ACOXL: variants seen among roughly 807,000 people sequenced by gnomAD.
ACOXL encodes the protein acyl-coenzyme A oxidase-like protein.
ACOXL carries 70 observed loss-of-function variants against 71.9 expected under a neutral mutation model. The observed-to-expected ratio is 0.97, with a 90% CI of 0.80 to 1.19. The LOEUF (loss-of-function observed/expected upper bound fraction) is 1.19. Among genes scored for constraint, ACOXL ranks in the 50% most tolerant of loss-of-function variants. The pLI is 0.00. For missense variants in ACOXL, 703 were observed against 736.3 expected, an observed-to-expected ratio of 0.95 and a Z score of 0.52; for synonymous variants, 253 against 281.6, an observed-to-expected ratio of 0.90 and a Z score of 1.02.
chr2:111,013,072 A>G (rs752165065), intron 14 of ACOXL, among the ~76,000 whole-genome samples: 35 of 152,186 alleles, frequency 2.3e-4, no homozygotes, highest in Admixed American at 1.4e-3. Context: ...ATAAAGTACA[A>G]ATTAACAACG....
intron 11 of ACOXL, among the ~76,000 whole-genome samples, chr2:110,923,155 A>C (rs1012271843): frequency 6.6e-6 from 1 of 152,128 alleles, no homozygotes; most frequent in Admixed American, 6.5e-5. Flanking sequence ...CCCAGGAAAA[A>C]GTTGGCACAT....
chr2:110,858,866 T>G (rs1693593934), intron 10 of ACOXL, among the ~76,000 whole-genome samples: 1 of 152,244 alleles, frequency 6.6e-6, no homozygotes. Context: ...CCTCTTCCTC[T>G]GTGTGTCTCA....
chr2:110,913,729 A>G lies in ACOXL; in HGVS notation c.905+4824A>G, dbSNP rs540481661. On this transcript the variant is annotated intron_variant, in intron 11 of 17. Coordinates refer to ENST00000439055, the MANE Select transcript of ACOXL (RefSeq NM_001142807.4). Reference sequence around the variant, plus strand: ...CTATACAAGCATGGCACAGGCATCTACTCTGCTTCTGGGTAGGTCTCCGGG... The same window carrying G: ...CTATACAAGCATGGCACAGGCATCTGCTCTGCTTCTGGGTAGGTCTCCGGG... 3.9e-5 allele frequency among the ~76,000 whole-genome samples: 6 copies of G among 152,254 alleles called. No homozygotes were observed. The South Asian group carries it at 8.3e-4, about 21-fold the overall frequency.
intron 14 of ACOXL, among the ~76,000 whole-genome samples, chr2:110,997,252 C>A (rs1303181207): frequency 6.6e-6 from 1 of 151,936 alleles, no homozygotes; most frequent in Non-Finnish European, 1.5e-5. Flanking sequence ...CTATGGATAA[C>A]AAATATTCCT....
rs541620900 is a variant in ACOXL at position 110,921,093 on chromosome 2, G to C, written c.905+12188G>C. On this transcript the variant is annotated intron_variant, in intron 11 of 17. Transcript: ENST00000439055. ...CTAATTTGTCAAATTTATGGCGATA[G>C]TGTTGGTTGTAACATTCCCTTTTCT... Among the ~76,000 whole-genome samples, 6 of 152,154 alleles carry C rather than the reference G, an allele frequency of 3.9e-5. No homozygotes were observed. The South Asian group carries it at 1.2e-3, about 32-fold the overall frequency.
Position 111,011,242 on chromosome 2 carries a change from G to A in ACOXL, c.1281+15238G>A, listed in dbSNP as rs547524483. Among the ~76,000 whole-genome samples the A allele has an allele frequency of 9.9e-5, 15 of 152,216 alleles. No individual in the cohort carries two copies. The South Asian group carries it at 3.1e-3, about 32-fold the overall frequency. On this transcript the variant is annotated intron_variant, in intron 14 of 17. Transcript: ENST00000439055. ...GTATCATATTAATTCAAAGCAGACT[G>A]TTATAGGTAAAGACTATAGATTGTA...
chr2:110,769,886 C>A lies in ACOXL; in HGVS notation c.75+1422C>A, dbSNP rs1315016348. 1.3e-5 allele frequency among the ~76,000 whole-genome samples: 2 copies of A among 151,906 alleles called. 1 individual carries two copies. The highest frequency in any genetic ancestry group is 1.3e-4 in the Admixed American group (2 of 15,278). On this transcript the variant is annotated intron_variant, in intron 2 of 17. Coordinates refer to ENST00000439055, the MANE Select transcript of ACOXL (RefSeq NM_001142807.4). ...ACCCCAAAAACCCCAAAACACTAAA[C>A]AAATACTAGCCAGGCATGGTGGCCC...
At chr2:110,751,701 A>G (rs529406518) in intron 1 of ACOXL, among the ~76,000 whole-genome samples, 9 of 152,314 alleles carry the variant, frequency 5.9e-5, no homozygotes, top group African/African-American at 1.4e-4. Flanking sequence ...CATCGCCCCA[A>G]AAAGTTCTCT....
intron 12 of ACOXL, among the ~76,000 whole-genome samples, chr2:110,986,472 T>A (rs1164776489): frequency 2.6e-5 from 4 of 152,240 alleles, no homozygotes; most frequent in Admixed American, 6.5e-5. Context: ...TCACTCGTGC[T>A]GTGGCAGCAG....
intron 5 of ACOXL, among the ~76,000 whole-genome samples, chr2:110,797,279 T>G (rs1374952190): frequency 6.6e-6 from 1 of 152,230 alleles, no homozygotes; most frequent in Non-Finnish European, 1.5e-5. Context: ...AGTTTCAGAC[T>G]GTTTTGAGCT....
chr2:111,015,223 G>A (rs1284411134), intron 14 of ACOXL, among the ~76,000 whole-genome samples: 1 of 152,112 alleles, frequency 6.6e-6, no homozygotes, highest in Non-Finnish European at 1.5e-5. Flanking sequence ...CCTGTATCTG[G>A]CAAAACACTT....
intron 16 of ACOXL, among the ~76,000 whole-genome samples, chr2:111,062,375 C>T (rs965064048): frequency 2.6e-5 from 4 of 152,020 alleles, no homozygotes; most frequent in African/African-American, 9.7e-5. Context: ...ATTACAGTTA[C>T]AGACTTCAAC....
chr2:110,894,860 G>A (rs571048138), intron 10 of ACOXL, among the ~76,000 whole-genome samples: 1 of 152,240 alleles, frequency 6.6e-6, no homozygotes, highest in Admixed American at 6.5e-5. Context: ...CCATCACTTG[G>A]GTAATAGAGA....
chr2:110,845,713 A>G (rs890787328), intron 10 of ACOXL, among the ~76,000 whole-genome samples: 4 of 152,214 alleles, frequency 2.6e-5, no homozygotes, highest in African/African-American at 9.7e-5. Context: ...TACCTTATTT[A>G]ACTTAGCATA....
intron 14 of ACOXL, among the ~76,000 whole-genome samples, chr2:111,006,289 A>G (rs1228729708): frequency 1.3e-5 from 2 of 152,200 alleles, no homozygotes; most frequent in African/African-American, 4.8e-5. Flanking sequence ...CAGGGGAAAC[A>G]TATTCCCATT....
chr2:111,041,517 C>T (rs575223622), intron 15 of ACOXL, among the ~76,000 whole-genome samples: 5 of 152,196 alleles, frequency 3.3e-5, no homozygotes, highest in East Asian at 3.9e-4. Context: ...GGGACAGAGC[C>T]GGGCCATGGG....
intron 11 of ACOXL, among the ~76,000 whole-genome samples, chr2:110,927,870 G>C (rs1436816866): frequency 6.6e-6 from 1 of 152,162 alleles, no homozygotes; most frequent in East Asian, 1.9e-4. Context: ...GTACATTTCT[G>C]AAGGGTCCAT....
At chr2:110,776,830 A>G (rs1682709316) in intron 2 of ACOXL, among the ~76,000 whole-genome samples, 1 of 152,088 alleles carries the variant, frequency 6.6e-6, no homozygotes, top group Non-Finnish European at 1.5e-5. Flanking sequence ...CTGCTGGCTT[A>G]GAAATATACT....
intron 1 of ACOXL, among the ~76,000 whole-genome samples, chr2:110,763,859 C>G (rs902338956): frequency 4.6e-5 from 7 of 152,240 alleles, no homozygotes; most frequent in Admixed American, 4.6e-4. Flanking sequence ...AGAAAACAAA[C>G]AACCCCATCA....
Sources: gnomAD v4.1 joint callset for allele counts (sites outside exome capture counted in the v4.1 genomes callset) on GRCh38, gnomAD v4.1.1 for gene constraint, MANE v1.5 for transcripts, NCBI Gene and HGNC (gene_info 2026-07-23, HGNC 2026-07-21) for gene names.